Variants in AHCTF1 observed in about 807,000 individuals in gnomAD.
The protein encoded by AHCTF1 is protein ELYS.
A neutral mutation model predicts 248.4 loss-of-function variants in AHCTF1; 24 were observed. The ratio of observed to expected loss-of-function variants is 0.10; its 90% confidence interval spans 0.07 to 0.14. The LOEUF is 0.14. AHCTF1 is among the 10% of genes least tolerant of loss of function. AHCTF1 has a pLI of 1.00. For missense variants in AHCTF1, 2,206 were observed against 2,636.2 expected (o/e 0.84, Z 3.57); for synonymous variants, 786 against 929.8 (o/e 0.85, Z 2.81).
chr1:246,856,951 T>C (rs1333803232), intron 30 of AHCTF1, among the ~76,000 whole-genome samples: 1 of 152,248 alleles, frequency 6.6e-6, no homozygotes, highest in Non-Finnish European at 1.5e-5. Flanking sequence ...TACTACTTGA[T>C]AACTGAAGCT....
chr1:246,903,663 T>A lies in AHCTF1; in HGVS notation c.966+286A>T, dbSNP rs77651496. On this transcript the variant is annotated intron_variant, in intron 7 of 35. Transcript: ENST00000648844. ...GCCAAGATGGTGAGACCCCCCCCCC[T>A]CCGTCTCTGCTAAATATACAAAAAA... 0.056 allele frequency among the ~76,000 whole-genome samples: 3,089 copies of A among 55,516 alleles called. 97 individuals are homozygous for A. The highest frequency in any genetic ancestry group is 0.095 in the Middle Eastern group (11 of 116). 36.4% of individuals were successfully genotyped at this position (55,516 alleles called of 152,430 possible).
intron 32 of AHCTF1, among the ~76,000 whole-genome samples, chr1:246,852,349 A>C (rs927701542): frequency 4.0e-5 from 6 of 151,866 alleles, no homozygotes; most frequent in African/African-American, 1.4e-4. Flanking sequence ...CAAATCCTAA[A>C]CAAATTTCTA....
chr1:246,884,276 G>T (rs1460660137), intron 21 of AHCTF1, among the ~76,000 whole-genome samples: 1 of 152,124 alleles, frequency 6.6e-6, no homozygotes, highest in Non-Finnish European at 1.5e-5. Flanking sequence ...ACAAGCACTT[G>T]CTAATTCATT....
At position 246,931,934 on chromosome 1, in the gene AHCTF1, T is replaced by A. The variant is rs1410884260; in HGVS notation, c.-364A>T. 1 of 148,616 alleles carries A rather than the reference T, an allele frequency of 6.7e-6. No homozygotes were observed. The highest frequency in any genetic ancestry group is 2.5e-5 in the African/African-American group (1 of 40,032). 9.2% of individuals were successfully genotyped at this position (148,616 alleles called of 1,614,324 possible). Reference sequence around the variant, plus strand: ...GCCGGCCCCGCTCTGCGCATTACCCTGCGCCGACAAAACCGAGTTCCACAC... The same window carrying A: ...GCCGGCCCCGCTCTGCGCATTACCCAGCGCCGACAAAACCGAGTTCCACAC... On this transcript the variant is annotated 5_prime_UTR_variant, in exon 1 of 36. Transcript: ENST00000648844.
chr1:246,869,523 T>C (rs143876978), intron 24 of AHCTF1, among the ~76,000 whole-genome samples: 102 of 152,280 alleles, frequency 6.7e-4, no homozygotes, highest in Non-Finnish European at 1.3e-3. Flanking sequence ...GTGACTCTGC[T>C]GTTAGTGGTT....
At chr1:246,853,764 T>C (rs903638020) in intron 31 of AHCTF1, among the ~76,000 whole-genome samples, 1 of 152,216 alleles carries the variant, frequency 6.6e-6, no homozygotes, top group African/African-American at 2.4e-5. Context: ...TAAAATCCTT[T>C]AGTGTTTAAC....
At chr1:246,924,993 G>T (rs1033740218) in intron 1 of AHCTF1, among the ~76,000 whole-genome samples, 1 of 152,102 alleles carries the variant, frequency 6.6e-6, no homozygotes, top group African/African-American at 2.4e-5. Flanking sequence ...AAGTAGCTTA[G>T]TACCAAAAAA....
At chr1:246,908,707 G>A (rs547646193) in intron 4 of AHCTF1, among the ~76,000 whole-genome samples, 220 of 145,342 alleles carry the variant, frequency 1.5e-3, no homozygotes, top group Non-Finnish European at 2.6e-3. Flanking sequence ...CTAACACGGT[G>A]AAACCCAGTC....
At position 246,864,006 on chromosome 1, in the gene AHCTF1, G is replaced by T; in HGVS notation, c.3458C>A (p.Ser1153Ter). The T allele has an allele frequency of 6.2e-7, 1 of 1,614,154 alleles. No individual in the cohort carries two copies. The highest frequency in any genetic ancestry group is 1.1e-5 in the South Asian group (1 of 91,080). ...PLYLVSRSLP[S>*]SSQLKGSPQA... is the part of the protein sequence containing the mutation. ...AGGCGATCCTTTTAATTGCGAACTT[G>T]AGGGCAGTGAACGGGATACTAGGTA... The change falls in exon 27 of 36, where the codon TCA (serine) becomes TAA (stop). Residue 1153 changes from serine (S) to a stop codon, truncating the protein, a stop_gained. Transcript: ENST00000648844. LOFTEE classifies it high-confidence loss of function.
intron 3 of AHCTF1, among the ~76,000 whole-genome samples, chr1:246,913,790 A>G (rs550234672): frequency 6.6e-6 from 1 of 152,364 alleles, no homozygotes; most frequent in African/African-American, 2.4e-5. Context: ...TTCAAGCCAT[A>G]AAATCATTAC....
chr1:246,889,858 T>C, intron 17 of AHCTF1, 108 bp downstream of exon 17: 1 of 751,712 alleles, frequency 1.3e-6, no homozygotes, highest in South Asian at 1.9e-5. Flanking sequence ...CAAATTCTGA[T>C]ACTTAACTGA....
At chr1:246,844,935 G>C (rs964909788) in intron 33 of AHCTF1, among the ~76,000 whole-genome samples, 1 of 151,796 alleles carries the variant, frequency 6.6e-6, no homozygotes, top group Admixed American at 6.6e-5. Context: ...TGTGAGACCA[G>C]AATCAAGTAA....
intron 29 of AHCTF1, among the ~76,000 whole-genome samples, chr1:246,858,025 T>C (rs1661230430): frequency 6.6e-6 from 1 of 151,436 alleles, no homozygotes; most frequent in Admixed American, 6.6e-5. Context: ...AGTGGCGCTA[T>C]CTTGGCTCAC....
chr1:246,884,802 TTTTC>T (rs1466921325), intron 21 of AHCTF1, among the ~76,000 whole-genome samples: 2 of 152,300 alleles, frequency 1.3e-5, no homozygotes, highest in African/African-American at 2.4e-5. Flanking sequence ...TTCCTTAAGA[TTTTC>T]TTTCTATGAG....
chr1:246,916,510 TCCA>T, intron 2 of AHCTF1, 115 bp from the exon 3 acceptor site: 2 of 923,044 alleles, frequency 2.2e-6, no homozygotes, highest in Non-Finnish European at 3.3e-6. Context: ...ACATATTATC[TCCA>T]CATTGAAATC....
In AHCTF1 at chr1:246,887,311, G is replaced by A; in HGVS notation, c.2372C>T (p.Thr791Ile). ...LDIMYSFPNK[T>I]DTPIESFPTV... ...TGGGAAAGATTCAATGGGAGTGTCT[G>A]TTTTGTTGGGAAAGGAATACATAAT... Residue 791 changes from threonine to isoleucine, a missense_variant, in exon 20 of 36, where the codon ACA becomes ATA. Transcript: ENST00000648844. 1.2e-6 allele frequency: 2 copies of A among 1,613,146 alleles called. No individual in the cohort carries two copies. The highest frequency in any genetic ancestry group is 2.2e-5 in the East Asian group (1 of 44,776).
intron 5 of AHCTF1, among the ~76,000 whole-genome samples, chr1:246,906,153 G>C (rs1228017743): frequency 6.6e-6 from 1 of 152,140 alleles, no homozygotes; most frequent in Admixed American, 6.6e-5. Context: ...CAGAAGATGA[G>C]TTAGAAACTG....
chr1:246,918,424 C>A (rs772578229), intron 1 of AHCTF1, 47 bp from the exon 2 acceptor site: 1 of 1,520,150 alleles, frequency 6.6e-7, no homozygotes, highest in South Asian at 1.3e-5. Flanking sequence ...CATTTGTAGA[C>A]AATATACTTG....
chr1:246,869,546 G>C (rs551288892), intron 24 of AHCTF1, among the ~76,000 whole-genome samples: 1 of 152,146 alleles, frequency 6.6e-6, no homozygotes, highest in South Asian at 2.1e-4. Flanking sequence ...TGTAGCTGAT[G>C]ACTTTAAATT....
Sources: gnomAD v4.1 joint callset for allele counts (sites outside exome capture counted in the v4.1 genomes callset) on GRCh38, gnomAD v4.1.1 for gene constraint, MANE v1.5 for transcripts, NCBI Gene and HGNC (gene_info 2026-07-23, HGNC 2026-07-21) for gene names.